Variants in TLCD4 observed in about 807,000 individuals in gnomAD.
TLCD4 encodes the protein TLC domain-containing protein 4.
A neutral mutation model predicts 24.2 loss-of-function variants in TLCD4; 7 were observed. The ratio of observed to expected loss-of-function variants is 0.29; its 90% confidence interval spans 0.16 to 0.54. The LOEUF is 0.54. Ranked by LOEUF, TLCD4 falls within the 20% of genes least tolerant of loss-of-function variation. The pLI is 0.95. For missense variants in TLCD4, 259 were observed against 313.9 expected, an observed-to-expected ratio of 0.82 and a Z score of 1.32; for synonymous variants, 103 against 106.4, an observed-to-expected ratio of 0.97 and a Z score of 0.20.
chr1:95,150,583 A>C (rs773539417), intron 4 of TLCD4, among the ~76,000 whole-genome samples: 2 of 152,028 alleles, frequency 1.3e-5, no homozygotes, highest in Non-Finnish European at 2.9e-5. Context: ...ACGAAATTTA[A>C]CTTTTAGGGT....
chr1:95,096,215 A>G, the TLCD4 span, among the ~76,000 whole-genome samples: 5 of 152,356 alleles, frequency 3.3e-5, no homozygotes, highest in Admixed American at 3.3e-4. Context: ...CTTGACAACA[A>G]CTGGAGAACA....
At chr1:95,160,143 GAATGCTCTTCCATT>G (rs1461585325) in intron 5 of TLCD4, among the ~76,000 whole-genome samples, 2 of 152,198 alleles carry the variant, frequency 1.3e-5, no homozygotes, top group African/African-American at 4.8e-5. Flanking sequence ...CATGAGCATG[GAATGCTCTTCCATT>G]TGTTTGTGTC....
intron 6 of TLCD4, among the ~76,000 whole-genome samples, chr1:95,176,177 A>G (rs1415078928): frequency 2.7e-5 from 4 of 149,438 alleles, no homozygotes; most frequent in Non-Finnish European, 5.9e-5. Context: ...TTGCCTGTTC[A>G]AGTTCTTTGC....
intron 6 of TLCD4, among the ~76,000 whole-genome samples, chr1:95,181,611 T>TTATTTATTTATTTATTTA: frequency 9.1e-6 from 1 of 109,432 alleles, no homozygotes; most frequent in South Asian, 3.1e-4. Flanking sequence ...TTATTTTTTT[T>TTATTTATTTATTTATTTA]TTTGAGATGG....
In TLCD4 at chr1:95,193,870, G is replaced by A. The variant is rs1679102273; in HGVS notation, c.*2002G>A. The A allele has an allele frequency of 6.6e-6, 1 of 151,984 alleles. No homozygotes were observed. The highest frequency in any genetic ancestry group is 1.5e-5 in the Non-Finnish European group (1 of 67,914). 9.4% of individuals were successfully genotyped at this position (151,984 alleles called of 1,614,324 possible). A position where few individuals can be genotyped will look rare whatever the true frequency, so the allele number is the denominator to read the frequency against. On this transcript the variant is annotated 3_prime_UTR_variant, in exon 7 of 7. Transcript: ENST00000370203. Reference sequence around the variant, plus strand: ...GTAGGAAAGCAAGCGGTTTTATCTTGTTCTTACCTTTTTGCAGGAAAAGTG... The same window carrying A: ...GTAGGAAAGCAAGCGGTTTTATCTTATTCTTACCTTTTTGCAGGAAAAGTG...
the TLCD4 span, among the ~76,000 whole-genome samples, chr1:95,098,817 C>G: frequency 6.6e-6 from 1 of 152,098 alleles, no homozygotes; most frequent in Admixed American, 6.6e-5. Context: ...GTAATCCCAG[C>G]ACTTTGGGAG....
chr1:95,131,003 A>G (rs561711610), intron 1 of TLCD4, among the ~76,000 whole-genome samples: 1 of 152,350 alleles, frequency 6.6e-6, no homozygotes, highest in East Asian at 1.9e-4. Context: ...AGGAATCTAT[A>G]ACACTAGCAG....
At chr1:95,155,750 G>GT (rs35423088) in intron 5 of TLCD4, among the ~76,000 whole-genome samples, 6 of 143,822 alleles carry the variant, frequency 4.2e-5, no homozygotes, top group South Asian at 2.2e-4. Context: ...ACTCACAGAG[G>GT]TTTTTTTTTT....
At chr1:95,137,710 C>G (rs1303243648) in intron 1 of TLCD4, among the ~76,000 whole-genome samples, 1 of 151,594 alleles carries the variant, frequency 6.6e-6, no homozygotes, top group Non-Finnish European at 1.5e-5. Flanking sequence ...CTCTTCTTTT[C>G]TCTTTCCCTC....
chr1:95,139,922 A>G (rs1677152750), intron 1 of TLCD4, among the ~76,000 whole-genome samples: 1 of 152,196 alleles, frequency 6.6e-6, no homozygotes, highest in East Asian at 1.9e-4. Flanking sequence ...AGACACACAC[A>G]TTAGCCTAGG....
upstream of TLCD4, among the ~76,000 whole-genome samples, chr1:95,115,792 A>G (rs4245670): frequency 0.3 from 45,722 of 152,108 alleles, 8,071 homozygotes; most frequent in Middle Eastern, 0.4. Context: ...AGCTACTATC[A>G]GCCACCAGAG....
At chr1:95,190,888 A>G (rs1165627484) in intron 6 of TLCD4, among the ~76,000 whole-genome samples, 1 of 152,138 alleles carries the variant, frequency 6.6e-6, no homozygotes, top group East Asian at 1.9e-4. Context: ...GTACTTTACC[A>G]TACATGTATA....
chr1:95,190,096 C>CT (rs71097254), intron 6 of TLCD4, among the ~76,000 whole-genome samples: 10 of 135,134 alleles, frequency 7.4e-5, no homozygotes, highest in African/African-American at 2.4e-4. Flanking sequence ...TTTGCACTTT[C>CT]TTTTTTTTTT....
chr1:95,106,284 A>T, the TLCD4 span, among the ~76,000 whole-genome samples: 1 of 152,250 alleles, frequency 6.6e-6, no homozygotes, highest in African/African-American at 2.4e-5. Flanking sequence ...TTGTGAAATT[A>T]TCTTGTATTT....
chr1:95,136,991 C>G (rs1677059672), intron 1 of TLCD4, among the ~76,000 whole-genome samples: 1 of 151,742 alleles, frequency 6.6e-6, no homozygotes. Flanking sequence ...GCTGACCATT[C>G]AGGGCTGGTA....
the TLCD4 span, among the ~76,000 whole-genome samples, chr1:95,107,848 C>CA: frequency 2.6e-5 from 4 of 151,780 alleles, no homozygotes; most frequent in East Asian, 1.9e-4. Context: ...TAGAATTAAA[C>CA]AAAAAAAGAT....
In TLCD4 at chr1:95,192,353, G is replaced by C. The variant is rs901517059; in HGVS notation, c.*485G>C. ...TAAAATTTAGTTTTCATCCCAAGAT[G>C]TCTTTTCTGCCTTTCTTTTGCCTTA... On this transcript the variant is annotated 3_prime_UTR_variant, in exon 7 of 7. Coordinates refer to ENST00000370203, the MANE Select transcript of TLCD4 (RefSeq NM_152487.3). 8 of 152,284 alleles carry C rather than the reference G, an allele frequency of 5.3e-5. No homozygotes were observed. Among genetic ancestry groups the C allele is most frequent in the African/African-American group, 1.9e-4 (8 of 41,412 alleles). The allele number at this position is 152,284 out of a possible 1,614,324, so 9.4% of individuals were successfully genotyped here. A position where few individuals can be genotyped will look rare whatever the true frequency, so the allele number is the denominator to read the frequency against.
intron 6 of TLCD4, among the ~76,000 whole-genome samples, chr1:95,178,147 G>A (rs954552184): frequency 6.6e-5 from 10 of 151,746 alleles, no homozygotes; most frequent in Non-Finnish European, 1.2e-4. Flanking sequence ...GAGTTTCACA[G>A]TGTTGCCCAG....
intron 6 of TLCD4, among the ~76,000 whole-genome samples, chr1:95,184,234 A>G (rs1485797221): frequency 6.6e-6 from 1 of 152,062 alleles, no homozygotes. Context: ...TGGACTCACA[A>G]TATCTTGACC....
Sources: gnomAD v4.1 joint callset for allele counts (sites outside exome capture counted in the v4.1 genomes callset) on GRCh38, gnomAD v4.1.1 for gene constraint, MANE v1.5 for transcripts, NCBI Gene and HGNC (gene_info 2026-07-23, HGNC 2026-07-21) for gene names.